Variants in TMEM178B observed in about 807,000 individuals in gnomAD.
The protein encoded by TMEM178B is transmembrane protein 178B.
TMEM178B carries 5 observed loss-of-function variants against 31.0 expected under a neutral mutation model. That is an observed-to-expected ratio of 0.16 (90% CI 0.08 to 0.34). The LOEUF is 0.34. TMEM178B is among the 10% of genes least tolerant of loss of function. TMEM178B has a pLI of 1.00. For synonymous variants in TMEM178B, 164 were observed against 164.0 expected (o/e 1.00, Z 0.00); for missense variants, 275 against 400.3 (o/e 0.69, Z 2.67).
intron 2 of TMEM178B, among the ~76,000 whole-genome samples, chr7:141,248,023 G>C (rs1797766110): frequency 7.5e-6 from 1 of 133,388 alleles, no homozygotes; most frequent in Admixed American, 8.0e-5. Flanking sequence ...TATGTGACCA[G>C]TCTTCCCCTT....
intron 1 of TMEM178B, among the ~76,000 whole-genome samples, chr7:141,142,146 AGT>A (rs1462243892): frequency 0.061 from 9,249 of 152,214 alleles, 947 homozygotes; most frequent in African/African-American, 0.21. Flanking sequence ...GAGAACATGC[AGT>A]GTTTGGTTTT....
At chr7:141,282,652 G>A (rs908200693) in intron 2 of TMEM178B, among the ~76,000 whole-genome samples, 3 of 152,132 alleles carry the variant, frequency 2.0e-5, no homozygotes, top group Non-Finnish European at 2.9e-5. Context: ...AAGCCTTATC[G>A]CATGAGAGGT....
chr7:141,138,238 T>G (rs1795708575), intron 1 of TMEM178B, among the ~76,000 whole-genome samples: 1 of 151,922 alleles, frequency 6.6e-6, no homozygotes, highest in Non-Finnish European at 1.5e-5. Flanking sequence ...ATTTTTTGTA[T>G]TTTTAGTAGA....
chr7:141,218,215 A>T (rs1188189101), intron 2 of TMEM178B, among the ~76,000 whole-genome samples: 1 of 152,050 alleles, frequency 6.6e-6, no homozygotes, highest in East Asian at 1.9e-4. Flanking sequence ...CTTCACCAGC[A>T]CAGTGGATCC....
At chr7:141,149,191 T>C (rs1795912392) in intron 1 of TMEM178B, among the ~76,000 whole-genome samples, 1 of 152,202 alleles carries the variant, frequency 6.6e-6, no homozygotes. Context: ...TAGATTTCAG[T>C]AGATGTTATC....
intron 1 of TMEM178B, among the ~76,000 whole-genome samples, chr7:141,170,308 A>G (rs1315610990): frequency 6.6e-6 from 1 of 152,188 alleles, no homozygotes; most frequent in African/African-American, 2.4e-5. Context: ...AGTCCCTTCC[A>G]TTTATAATGA....
rs763353772 is a variant in TMEM178B at position 141,083,784 on chromosome 7, G to GA, written c.382+9101dup. Among the ~76,000 whole-genome samples the GA allele has an allele frequency of 2.8e-4, 42 of 149,772 alleles. 2 individuals carry two copies. The highest frequency in any genetic ancestry group is 1.7e-3 in the East Asian group (9 of 5,144). On this transcript the variant is annotated intron_variant, in intron 1 of 3. Coordinates refer to ENST00000565468, the MANE Select transcript of TMEM178B (RefSeq NM_001195278.2). Reference sequence around the variant, plus strand: ...GGTTAAAATGGTAAATTACCCCAAGGAAAAAAAAATACATTTAAACACTCA... The same window carrying GA: ...GGTTAAAATGGTAAATTACCCCAAGGAAAAAAAAAATACATTTAAACACTCA...
chr7:141,271,419 C>T (rs1798178506), intron 2 of TMEM178B, among the ~76,000 whole-genome samples: 1 of 152,152 alleles, frequency 6.6e-6, no homozygotes, highest in Non-Finnish European at 1.5e-5. Flanking sequence ...GCTTTTTGGT[C>T]TAAAGAGTGT....
At chr7:141,339,176 A>G (rs563589627) in intron 2 of TMEM178B, among the ~76,000 whole-genome samples, 2 of 152,204 alleles carry the variant, frequency 1.3e-5, no homozygotes, top group African/African-American at 2.4e-5. Context: ...GCTGCTTTCT[A>G]TCTCTTTGGC....
At chr7:141,444,106 CAAGG>C (rs1801710254) in intron 3 of TMEM178B, among the ~76,000 whole-genome samples, 2 of 152,270 alleles carry the variant, frequency 1.3e-5, no homozygotes, top group East Asian at 3.9e-4. Context: ...GCCGTTTCTT[CAAGG>C]AGCTCTGTTT....
chr7:141,492,343 C>T, the TMEM178B span, among the ~76,000 whole-genome samples: 2 of 152,196 alleles, frequency 1.3e-5, no homozygotes, highest in Admixed American at 6.5e-5. Flanking sequence ...GTCTTAATAT[C>T]GGACCCTGGC....
intron 1 of TMEM178B, among the ~76,000 whole-genome samples, chr7:141,116,531 A>G (rs200476322): frequency 6.7e-6 from 1 of 150,166 alleles, no homozygotes; most frequent in Non-Finnish European, 1.5e-5. Context: ...TTTTTTTTTT[A>G]AATACTTTAA....
chr7:141,184,404 C>T (rs755030552), intron 1 of TMEM178B, among the ~76,000 whole-genome samples: 20 of 152,110 alleles, frequency 1.3e-4, no homozygotes, highest in Non-Finnish European at 1.9e-4. Context: ...GAGTGTCTTA[C>T]GTGTTTCTAA....
In TMEM178B at chr7:141,470,968, C is replaced by T. The variant is rs1279178248; in HGVS notation, c.*182C>T. 5.0e-6 allele frequency: 1 copy of T among 201,820 alleles called. No homozygotes were observed. Among genetic ancestry groups the T allele is most frequent in the Non-Finnish European group, 9.1e-6 (1 of 109,678 alleles). The allele number at this position is 201,820 out of a possible 1,614,324, so 12.5% of individuals were successfully genotyped here. ...CTGAGATGGGGAAAGTTTTTCCATC[C>T]TGTGGCTCTTCCATCAGTTCTTGAC... On this transcript the variant is annotated 3_prime_UTR_variant, in exon 4 of 4. Transcript: ENST00000565468.
At chr7:141,297,349 TTTA>T (rs1371218365) in intron 2 of TMEM178B, among the ~76,000 whole-genome samples, 1 of 152,098 alleles carries the variant, frequency 6.6e-6, no homozygotes, top group African/African-American at 2.4e-5. Context: ...TGGTGCTTCT[TTTA>T]TTATTATTAT....
intron 1 of TMEM178B, among the ~76,000 whole-genome samples, chr7:141,090,265 A>G (rs1794860359): frequency 6.6e-6 from 1 of 152,136 alleles, no homozygotes; most frequent in African/African-American, 2.4e-5. Context: ...AGCTCACTGC[A>G]GCTTTGAACT....
At chr7:141,204,719 T>A (rs967022543) in intron 1 of TMEM178B, among the ~76,000 whole-genome samples, 1 of 152,228 alleles carries the variant, frequency 6.6e-6, no homozygotes, top group Non-Finnish European at 1.5e-5. Flanking sequence ...AGTAGATCAT[T>A]TGATCAAATA....
chr7:141,341,754 GA>G (rs75639509), intron 2 of TMEM178B, among the ~76,000 whole-genome samples: 6,126 of 146,674 alleles, frequency 0.042, 235 homozygotes, highest in African/African-American at 0.097. Context: ...CTTTTAACTA[GA>G]AAAAAAAAAA....
chr7:141,224,415 C>T (rs1412272129), intron 2 of TMEM178B, among the ~76,000 whole-genome samples: 1 of 152,192 alleles, frequency 6.6e-6, no homozygotes, highest in Non-Finnish European at 1.5e-5. Context: ...TACAAGCATT[C>T]ATACATTAGA....
Sources: gnomAD v4.1 joint callset for allele counts (sites outside exome capture counted in the v4.1 genomes callset) on GRCh38, gnomAD v4.1.1 for gene constraint, MANE v1.5 for transcripts, NCBI Gene and HGNC (gene_info 2026-07-23, HGNC 2026-07-21) for gene names.